HUWE1: variants seen among roughly 807,000 people sequenced by gnomAD.
The protein encoded by HUWE1 is HECT, UBA and WWE domain containing E3 ubiquitin protein ligase 1, also known as E3 ubiquitin-protein ligase HUWE1.
In HUWE1, 18 loss-of-function variants were observed where a neutral mutation model predicts 299.4. The observed-to-expected ratio is 0.06, with a 90% CI of 0.04 to 0.09. The LOEUF (loss-of-function observed/expected upper bound fraction) is 0.09. Ranked by LOEUF, HUWE1 falls within the 10% of genes least tolerant of loss-of-function variation. The pLI, the probability that HUWE1 is intolerant of heterozygous loss-of-function variation, is 1.00. For synonymous variants in HUWE1, 1,317 were observed against 1,286.1 expected (o/e 1.02, Z -0.51); for missense variants, 1,832 against 3,462.3 (o/e 0.53, Z 11.82).
At chrX:53,535,922 GTTTTTT>G (rs34675759) in intron 80 of HUWE1, 7 of 166,908 alleles carry the variant, frequency 4.2e-5, no homozygotes, top group East Asian at 1.4e-4. Flanking sequence ...ATGTACTGGA[GTTTTTT>G]TTTTTTTTTT....
Position 53,533,040 on chromosome X carries a change from G to A in HUWE1, c.*269C>T. On this transcript the variant is annotated 3_prime_UTR_variant, in exon 84 of 84. Coordinates refer to ENST00000262854, the MANE Select transcript of HUWE1 (RefSeq NM_031407.7). ...AAACAGTTGGGACAGACAGGTCCCT[G>A]CAAAGGCTACTGCCTTTTTAAAACA... The A allele has an allele frequency of 2.7e-6, 1 of 373,727 alleles. No homozygotes were observed. Among genetic ancestry groups the A allele is most frequent in the South Asian group, 3.9e-5 (1 of 25,822 alleles). The allele number at this position is 373,727 out of a possible 1,213,427, so 30.8% of individuals were successfully genotyped here. A position where few individuals can be genotyped will look rare whatever the true frequency, so the allele number is the denominator to read the frequency against.
chrX:53,614,193 AGGT>A (rs1483795125), intron 23 of HUWE1, among the ~76,000 whole-genome samples: 2 of 111,202 alleles, frequency 1.8e-5, no homozygotes, highest in Admixed American at 1.9e-4. Context: ...TGAGCCCAGG[AGGT>A]GGAGGTTGCA....
intron 46 of HUWE1, 21 bp downstream of exon 46, chrX:53,575,134 G>C: frequency 1.7e-6 from 2 of 1,157,824 alleles, no homozygotes; most frequent in Non-Finnish European, 2.4e-6. Context: ...GAACATGGTA[G>C]TGAGAAAAGC....
intron 3 of HUWE1, among the ~76,000 whole-genome samples, chrX:53,666,586 A>T (rs1457457109): frequency 9.0e-6 from 1 of 111,685 alleles, no homozygotes; most frequent in Non-Finnish European, 1.9e-5. Flanking sequence ...ACCTACATCA[A>T]GTACAAACTC....
At chrX:53,558,633 C>G in intron 59 of HUWE1, 22 bp downstream of exon 59, 1 of 1,201,558 alleles carries the variant, frequency 8.3e-7, no homozygotes, top group Non-Finnish European at 1.1e-6. Flanking sequence ...AAAGATGAAT[C>G]CTCCCAGCCC....
At position 53,545,127 on chromosome X, in the gene HUWE1, G is replaced by A. The variant is rs151180939; in HGVS notation, c.10950C>T (p.Leu3650=). The A allele has an allele frequency of 1.8e-5, 22 of 1,207,976 alleles. No homozygotes were observed. Among genetic ancestry groups the A allele is most frequent in the African/African-American group, 3.5e-5 (2 of 56,874 alleles). The change falls in exon 71 of 84, where the codon CTC becomes CTT. Residue 3650 remains leucine (L), a synonymous_variant. Coordinates refer to ENST00000262854, the MANE Select transcript of HUWE1 (RefSeq NM_031407.7). ...TLLAELREYN[L]EQQRRAQCET... ...CACATTGGGCTCGCCGCTGCTGCTC[G>A]AGGTTGTATTCCCGCAGCTCGGCCA... is the stretch of plus-strand genomic sequence containing the variant.
chrX:53,651,666 C>T (rs2068481002), intron 4 of HUWE1, among the ~76,000 whole-genome samples: 1 of 111,203 alleles, frequency 9.0e-6, no homozygotes, highest in Non-Finnish European at 1.9e-5. Context: ...AAATGTGGAA[C>T]CCACACACGG....
chrX:53,684,340 G>A (rs1285817311), intron 2 of HUWE1, among the ~76,000 whole-genome samples: 2 of 112,369 alleles, frequency 1.8e-5, no homozygotes, highest in Non-Finnish European at 3.8e-5. Flanking sequence ...GAAAGGCGGA[G>A]CTTCATGAAA....
intron 2 of HUWE1, among the ~76,000 whole-genome samples, chrX:53,681,896 TGGTGGTCATTCC>T (rs1359797263): frequency 1.8e-5 from 2 of 112,127 alleles, no homozygotes; most frequent in Admixed American, 9.4e-5. Flanking sequence ...ACATTATGGC[TGGTGGTCATTCC>T]AGGATAGTGA....
chrX:53,587,012 A>C lies in HUWE1; in HGVS notation c.4615-103T>G, dbSNP rs781947243. On this transcript the variant is annotated intron_variant, in intron 37 of 83. Transcript: ENST00000262854. ...GGAGGGGAACATAAGGGTAAATAATAATAGAATTGGTTGAGTTCAAATTTT... is the reference window on the plus strand; with the variant it reads ...GGAGGGGAACATAAGGGTAAATAATCATAGAATTGGTTGAGTTCAAATTTT... The C allele has an allele frequency of 1.5e-5, 14 of 934,415 alleles. No individual in the cohort carries two copies. In the East Asian group the frequency reaches 4.5e-4, roughly 30 times the overall value. The allele number at this position is 934,415 out of a possible 1,213,427, so 77.0% of individuals were successfully genotyped here. A position where few individuals can be genotyped will look rare whatever the true frequency, so the allele number is the denominator to read the frequency against.
At chrX:53,544,047 G>C in intron 72 of HUWE1, 79 bp from the exon 73 acceptor site, 2 of 922,543 alleles carry the variant, frequency 2.2e-6, no homozygotes, top group Non-Finnish European at 1.5e-6. Flanking sequence ...CCTATCTCCT[G>C]GGCTGCCACA....
intron 23 of HUWE1, among the ~76,000 whole-genome samples, chrX:53,613,474 C>CTTAT (rs1316169706): frequency 8.9e-6 from 1 of 111,807 alleles, no homozygotes; most frequent in African/African-American, 3.3e-5. Context: ...TAAAAGACCA[C>CTTAT]TTATTATATG....
intron 19 of HUWE1, 63 bp downstream of exon 19, chrX:53,624,532 C>G (rs781863978): frequency 4.2e-6 from 3 of 714,493 alleles, no homozygotes; most frequent in Non-Finnish European, 6.8e-6. Flanking sequence ...TAAGTAAATA[C>G]AGAGAGAGAG....
intron 3 of HUWE1, among the ~76,000 whole-genome samples, chrX:53,662,713 T>C (rs781855719): frequency 3.6e-5 from 4 of 112,075 alleles, no homozygotes; most frequent in African/African-American, 1.3e-4. Context: ...AGCACACATA[T>C]ATTACTTGAA....
intron 47 of HUWE1, among the ~76,000 whole-genome samples, chrX:53,572,559 C>G (rs782219290): frequency 5.5e-4 from 61 of 111,549 alleles, no homozygotes; most frequent in Non-Finnish European, 7.9e-4. Context: ...AACAAGGCAC[C>G]CTTACGGGAA....
intron 33 of HUWE1, 46 bp downstream of exon 33, chrX:53,592,352 A>C: frequency 5.2e-6 from 5 of 960,768 alleles, no homozygotes; most frequent in Non-Finnish European, 4.5e-6. Flanking sequence ...ATCACACTCC[A>C]TTGGGTGCAA....
Position 53,626,216 on chromosome X carries a change from CGTGTGTGTGTGT to C in HUWE1, c.1490-970_1490-959del, listed in dbSNP as rs58080331. On this transcript the variant is annotated intron_variant, in intron 17 of 83. Transcript: ENST00000262854. ...ATGTATTAATACGTACATACATACA[CGTGTGTGTGTGT>C]GTGTGTGTGTGTGTGTGTGTGTGTG... 3.0e-3 allele frequency among the ~76,000 whole-genome samples: 286 copies of C among 94,916 alleles called. 1 individual carries two copies. The highest frequency in any genetic ancestry group is 9.8e-3 in the African/African-American group (249 of 25,507). 82.4% of individuals were successfully genotyped at this position (94,916 alleles called of 115,157 possible).
chrX:53,610,812 A>T (rs1398030067), intron 23 of HUWE1, among the ~76,000 whole-genome samples: 1 of 111,701 alleles, frequency 9.0e-6, no homozygotes, highest in Non-Finnish European at 1.9e-5. Context: ...TCTAAAGATG[A>T]CAAAGACTTT....
intron 76 of HUWE1, among the ~76,000 whole-genome samples, 166 bp from the exon 77 acceptor site, chrX:53,538,620 A>C (rs1181756909): frequency 9.2e-6 from 1 of 109,077 alleles, no homozygotes; most frequent in African/African-American, 3.4e-5. Context: ...CGTGAATCTG[A>C]GCATTTCTAT....
Sources: allele counts gnomAD v4.1 joint callset (sites outside exome capture counted in the v4.1 genomes callset), GRCh38; gene constraint gnomAD v4.1.1; transcripts MANE v1.5; gene names NCBI Gene and HGNC (gene_info 2026-07-23, HGNC 2026-07-21).